Variants in PUM1 observed in about 807,000 individuals in gnomAD.
The protein encoded by PUM1 is pumilio homolog 1.
In PUM1, 13 loss-of-function variants were observed where a neutral mutation model predicts 131.8. The ratio of observed to expected loss-of-function variants is 0.10; its 90% CI spans 0.06 to 0.16. PUM1 has a LOEUF of 0.16. Among genes scored for constraint, PUM1 ranks in the 10% least tolerant of loss-of-function variants. The probability of loss-of-function intolerance (pLI) is 1.00; values close to 1 mark genes in which losing one functional copy is unlikely to be tolerated. For synonymous variants in PUM1, 509 were observed against 556.5 expected (o/e 0.91, Z 1.20); for missense variants, 961 against 1,512.4 (o/e 0.64, Z 6.05).
chr1:30,943,060 G>C (rs1354205968), intron 18 of PUM1, among the ~76,000 whole-genome samples: 1 of 152,028 alleles, frequency 6.6e-6, no homozygotes, highest in African/African-American at 2.4e-5. Context: ...CTAGCCTTAT[G>C]TGTGACTTTA....
rs138764103 is a variant in PUM1, at chr1:31,011,164, TAC to T, written c.433-4064_433-4063del. 7.7e-3 allele frequency among the ~76,000 whole-genome samples: 1,104 copies of T among 142,972 alleles called. 6 individuals are homozygous for T. Among genetic ancestry groups the T allele is most frequent in the South Asian group, 0.03 (134 of 4,398 alleles). The allele number at this position is 142,972 out of a possible 152,430, so 93.8% of individuals were successfully genotyped here. ...CAGAGTGAGACCCTATCTCTTAAAA[TAC>T]ACACACACACACACACACACACACA... On this transcript the variant is annotated intron_variant, in intron 3 of 21. Coordinates refer to ENST00000426105, the MANE Select transcript of PUM1 (RefSeq NM_001020658.2).
intron 11 of PUM1, 113 bp from the exon 12 acceptor site, chr1:30,967,423 T>C: frequency 2.1e-6 from 2 of 968,856 alleles, no homozygotes; most frequent in Non-Finnish European, 3.1e-6. Flanking sequence ...ATTGGCCAGA[T>C]TTATATACTG....
chr1:30,974,890 C>G lies in PUM1; in HGVS notation c.1355-88G>C, dbSNP rs1641072760. On this transcript the variant is annotated intron_variant, in intron 9 of 21. Transcript: ENST00000426105. ...AAAATTACATCTGACTCAATAGATC[C>G]TACTGTAAAATATTAACTTAAAAGT... 4.1e-6 allele frequency: 4 copies of G among 980,408 alleles called. No individual in the cohort carries two copies. The South Asian group carries it at 5.4e-5, about 13-fold the overall frequency. 60.7% of individuals were successfully genotyped at this position (980,408 alleles called of 1,614,324 possible).
At chr1:31,053,559 G>A (rs370407922) in intron 2 of PUM1, among the ~76,000 whole-genome samples, 10 of 148,640 alleles carry the variant, frequency 6.7e-5, no homozygotes, top group African/African-American at 2.0e-4. Flanking sequence ...TGCAACCTAC[G>A]TCTCCTGGGC....
At chr1:30,965,909 A>G in intron 13 of PUM1, 73 bp downstream of exon 13, 1 of 1,468,402 alleles carries the variant, frequency 6.8e-7, no homozygotes. Flanking sequence ...GGTTCCATGC[A>G]TTGCCAGTAT....
chr1:31,014,351 A>AAAAAAAG (rs1423566161), intron 3 of PUM1, among the ~76,000 whole-genome samples: 1 of 151,792 alleles, frequency 6.6e-6, no homozygotes. Context: ...TGTAAAAATA[A>AAAAAAAG]AAAAAAGTCG....
At chr1:30,948,729 G>A (rs958911320) in intron 17 of PUM1, among the ~76,000 whole-genome samples, 3 of 152,166 alleles carry the variant, frequency 2.0e-5, no homozygotes, top group Non-Finnish European at 4.4e-5. Flanking sequence ...CAGCCTGGGT[G>A]ACAGAGTGAG....
At chr1:31,038,984 A>ATATATATATATATATAT in intron 2 of PUM1, among the ~76,000 whole-genome samples, 33 of 49,414 alleles carry the variant, frequency 6.7e-4, no homozygotes, top group African/African-American at 8.3e-4. Flanking sequence ...ATATATATAT[A>ATATATATATATATATAT]TTTTTTTTTT....
At chr1:30,993,342 T>TAAAA (rs200120030) in intron 6 of PUM1, among the ~76,000 whole-genome samples, 1 of 127,060 alleles carries the variant, frequency 7.9e-6, no homozygotes, top group Admixed American at 7.9e-5. Flanking sequence ...GCCTAAGATT[T>TAAAA]AAAAAAAAAA....
intron 9 of PUM1, among the ~76,000 whole-genome samples, chr1:30,978,395 T>G (rs1641223435): frequency 6.6e-6 from 1 of 152,248 alleles, no homozygotes; most frequent in Non-Finnish European, 1.5e-5. Flanking sequence ...TAATGATGGT[T>G]AGCAGAGATC....
chr1:31,009,315 G>T (rs1642510080), intron 3 of PUM1, among the ~76,000 whole-genome samples: 1 of 151,780 alleles, frequency 6.6e-6, no homozygotes, highest in South Asian at 2.1e-4. Flanking sequence ...CTACTCTTTT[G>T]TATTCCAGAA....
chr1:31,029,024 T>C (rs1343948389), intron 2 of PUM1, among the ~76,000 whole-genome samples, 160 bp from the exon 3 acceptor site: 1 of 152,198 alleles, frequency 6.6e-6, no homozygotes, highest in Non-Finnish European at 1.5e-5. Flanking sequence ...TCACTTACCT[T>C]TAACCATCAG....
chr1:31,023,432 A>T (rs912091648), intron 3 of PUM1, among the ~76,000 whole-genome samples: 10 of 152,160 alleles, frequency 6.6e-5, no homozygotes, highest in African/African-American at 2.4e-4. Flanking sequence ...GGATTCTAGA[A>T]GTACTTTTAG....
At chr1:31,007,852 CCCT>C (rs1642448970) in intron 3 of PUM1, among the ~76,000 whole-genome samples, 5 of 152,154 alleles carry the variant, frequency 3.3e-5, no homozygotes, top group African/African-American at 1.2e-4. Flanking sequence ...ATGCAAAGTA[CCCT>C]TCAAGCAAGA....
In PUM1 at chr1:30,987,475, G is replaced by A. The variant is rs181784184; in HGVS notation, c.1158+4915C>T. Among the ~76,000 whole-genome samples, 798 of 152,208 alleles carry A rather than the reference G, an allele frequency of 5.2e-3. 5 individuals are homozygous for A. Among genetic ancestry groups the A allele is most frequent in the East Asian group, 0.032 (165 of 5,164 alleles). ...CTCCCAAAGTGCTGAGATTACAGGC[G>A]TGAGCCACCGCGCCTAGCCAAAACC... On this transcript the variant is annotated intron_variant, in intron 7 of 21. Transcript: ENST00000426105.
intron 14 of PUM1, among the ~76,000 whole-genome samples, chr1:30,955,306 A>AAT (rs1640112766): frequency 6.6e-6 from 1 of 150,598 alleles, no homozygotes; most frequent in African/African-American, 2.4e-5. Context: ...AATACAAAAA[A>AAT]AAAAAAAAAA....
intron 17 of PUM1, among the ~76,000 whole-genome samples, chr1:30,946,636 CAA>C (rs34267371): frequency 2.5e-5 from 3 of 122,242 alleles, no homozygotes; most frequent in Non-Finnish European, 5.1e-5. Flanking sequence ...GACTCTGTCT[CAA>C]AAAAAAAAAA....
intron 2 of PUM1, among the ~76,000 whole-genome samples, chr1:31,038,980 ATATAT>A (rs1259855714): frequency 1.7e-4 from 5 of 29,600 alleles, no homozygotes; most frequent in African/African-American, 1.2e-3. Flanking sequence ...ATATATATAT[ATATAT>A]TTTTTTTTTT....
In PUM1 at chr1:30,961,875, T is replaced by C. The variant is rs1640422507; in HGVS notation, c.2323+2799A>G. ...ATTCAACACAATGAATATAAAATGC[T>C]TAGTATGGCTGCTCATCACTGCTGA... On this transcript the variant is annotated intron_variant, in intron 14 of 21. Coordinates refer to ENST00000426105, the MANE Select transcript of PUM1 (RefSeq NM_001020658.2). Among the ~76,000 whole-genome samples the C allele has an allele frequency of 2.0e-5, 3 of 152,330 alleles. No homozygotes were observed. In the South Asian group the frequency reaches 6.2e-4, roughly 32 times the overall value.
Sources: gnomAD v4.1 joint callset for allele counts (sites outside exome capture counted in the v4.1 genomes callset) on GRCh38, gnomAD v4.1.1 for gene constraint, MANE v1.5 for transcripts, NCBI Gene and HGNC (gene_info 2026-07-23, HGNC 2026-07-21) for gene names.